Variants in JAK1 observed in about 807,000 individuals in gnomAD.
JAK1 encodes the protein Janus kinase 1.
JAK1 carries 16 observed loss-of-function variants against 136.6 expected under a neutral mutation model. The ratio of observed to expected loss-of-function variants is 0.12; its 90% CI spans 0.08 to 0.18. JAK1 has a LOEUF of 0.18. JAK1 is among the 10% of genes least tolerant of loss of function. The probability of loss-of-function intolerance (pLI) is 1.00; values close to 1 mark genes in which losing one functional copy is unlikely to be tolerated. For missense variants in JAK1, 859 were observed against 1,450.1 expected (o/e 0.59, Z 6.62); for synonymous variants, 492 against 519.5 (o/e 0.95, Z 0.72).
chr1:64,951,648 C>CTT (rs1557719374), intron 1 of JAK1, among the ~76,000 whole-genome samples: 2 of 128,152 alleles, frequency 1.6e-5, no homozygotes, highest in African/African-American at 6.0e-5. Flanking sequence ...ACAAGTTCTG[C>CTT]CTTTTTTTTT....
At chr1:64,922,497 T>TC (rs1190463907) in intron 1 of JAK1, among the ~76,000 whole-genome samples, 10 of 151,746 alleles carry the variant, frequency 6.6e-5, no homozygotes, top group Non-Finnish European at 1.2e-4. Flanking sequence ...CACATTTTTT[T>TC]TTAAAGCTGA....
Position 64,977,458 on chromosome 1 carries a change from T to TC in JAK1, c.-78+67021_-78+67022insG, listed in dbSNP as rs1485163016. Reference sequence around the variant, plus strand: ...TGAGCCACTGCACCCAGCCATCTTTTTTTTTTTTTTTAGATGGAGTCTTGC... The same window carrying TC: ...TGAGCCACTGCACCCAGCCATCTTTTCTTTTTTTTTTTAGATGGAGTCTTGC... On this transcript the variant is annotated intron_variant, in intron 2 of 25. Transcript: ENST00000671954. 2.0e-5 allele frequency among the ~76,000 whole-genome samples: 3 copies of TC among 151,658 alleles called. No homozygotes were observed. In the East Asian group the frequency reaches 5.8e-4, roughly 29 times the overall value.
chr1:64,847,471 G>A (rs1655310524), intron 13 of JAK1, 61 bp downstream of exon 13: 2 of 1,595,114 alleles, frequency 1.3e-6, no homozygotes, highest in African/African-American at 2.7e-5. Flanking sequence ...TCAACCCATT[G>A]TGTTCCACTG....
At chr1:64,887,443 G>C (rs1288572803) in intron 1 of JAK1, among the ~76,000 whole-genome samples, 2 of 152,176 alleles carry the variant, frequency 1.3e-5, no homozygotes, top group Non-Finnish European at 2.9e-5. Context: ...CTAATGCCTT[G>C]CTTCTGCTCA....
rs2101101943 is a variant in JAK1 at position 64,864,817 on chromosome 1, G to C, written c.1146C>G (p.Val382=). The C allele has an allele frequency of 6.2e-7, 1 of 1,613,446 alleles. No homozygotes were observed. The highest frequency in any genetic ancestry group is 8.5e-7 in the Non-Finnish European group (1 of 1,179,812). ...ITHIVIKESV[V]SINKQDNKKM... is the part of the protein sequence containing the mutation. ...TCTTGTTGTCCTGCTTGTTAATGCT[G>C]ACCACAGACTCCTTTATTACAATGT... The change falls in exon 8 of 25, where the codon GTC becomes GTG. Residue 382 remains valine, a synonymous_variant. Coordinates refer to ENST00000342505, the MANE Select transcript of JAK1 (RefSeq NM_002227.4).
At chr1:65,020,014 T>G (rs1442742440) in intron 2 of JAK1, among the ~76,000 whole-genome samples, 1 of 151,052 alleles carries the variant, frequency 6.6e-6, no homozygotes, top group Non-Finnish European at 1.5e-5. Context: ...TCATCTGAGG[T>G]CAGAAGTTCA....
At chr1:64,981,850 A>C (rs1646548829) in intron 2 of JAK1, among the ~76,000 whole-genome samples, 1 of 152,168 alleles carries the variant, frequency 6.6e-6, no homozygotes, top group African/African-American at 2.4e-5. Flanking sequence ...ACTGTCTCAC[A>C]CTCCAGGATA....
intron 1 of JAK1, among the ~76,000 whole-genome samples, chr1:64,935,007 AT>A (rs969345296): frequency 1.6e-4 from 24 of 152,098 alleles, no homozygotes; most frequent in African/African-American, 5.8e-4. Flanking sequence ...GGACCAATCT[AT>A]TTCTGGCTGT....
At chr1:64,960,565 T>G (rs992973412) in intron 1 of JAK1, among the ~76,000 whole-genome samples, 1 of 152,236 alleles carries the variant, frequency 6.6e-6, no homozygotes, top group Non-Finnish European at 1.5e-5. Context: ...ATTACTATCT[T>G]CTATGCAGAC....
chr1:64,965,423 C>T (rs567693434), intron 1 of JAK1, among the ~76,000 whole-genome samples: 10 of 152,158 alleles, frequency 6.6e-5, no homozygotes, highest in African/African-American at 2.4e-4. Flanking sequence ...CTCCAAAAAA[C>T]GTGTGCACAA....
intron 2 of JAK1, among the ~76,000 whole-genome samples, chr1:65,040,810 C>T (rs1469322064): frequency 6.6e-6 from 1 of 152,086 alleles, no homozygotes; most frequent in Non-Finnish European, 1.5e-5. Flanking sequence ...CGAAAAAAAA[C>T]ATAGTCCTGC....
chr1:64,844,697 T>C lies in JAK1; in HGVS notation c.2251+57A>G. On this transcript the variant is annotated intron_variant, in intron 16 of 24. Transcript: ENST00000342505. The surrounding 1 kb of genome is among the most constrained non-coding windows in gnomAD (Gnocchi z 5.7). The stretch of plus-strand genomic sequence containing the variant: ...GACCAACCCCAGCCCAGCCCTTCTC[T>C]CTGCTGACTTGCCCCTGACTCGGGG... The C allele has an allele frequency of 2.5e-6, 4 of 1,608,070 alleles. No homozygotes were observed. The highest frequency in any genetic ancestry group is 2.6e-6 in the Non-Finnish European group (3 of 1,175,664).
chr1:65,065,273 G>A (rs1444727771), intron 1 of JAK1, among the ~76,000 whole-genome samples: 1 of 152,146 alleles, frequency 6.6e-6, no homozygotes, highest in Non-Finnish European at 1.5e-5. Flanking sequence ...AACTCAGAGT[G>A]TTACTTTTGA....
At chr1:64,868,590 T>C (rs985984904) in intron 6 of JAK1, among the ~76,000 whole-genome samples, 4 of 152,186 alleles carry the variant, frequency 2.6e-5, no homozygotes, top group African/African-American at 9.7e-5. Context: ...CAAGCTGTGA[T>C]CTGCTCTAGA....
chr1:64,917,602 G>A (rs570509992), intron 1 of JAK1, among the ~76,000 whole-genome samples: 2 of 152,276 alleles, frequency 1.3e-5, no homozygotes, highest in South Asian at 2.1e-4. Context: ...ATGCCTGGGT[G>A]AGCCTGGACC....
intron 1 of JAK1, among the ~76,000 whole-genome samples, chr1:65,060,517 A>C (rs1287457607): frequency 6.6e-6 from 1 of 152,152 alleles, no homozygotes. Flanking sequence ...ACTAGCCATC[A>C]CCAAAACCCA....
rs79286207 is a variant in JAK1 at position 64,955,145 on chromosome 1, G to C, written c.-78+11188C>G. Among the ~76,000 whole-genome samples, 434 of 152,346 alleles carry C rather than the reference G, an allele frequency of 2.8e-3. 3 individuals are homozygous for C. The highest frequency in any genetic ancestry group is 0.01 in the African/African-American group (419 of 41,572). ...ATTTGAGCAAGTGTACACAGGATCT[G>C]TGTTTATTCAATAAACAGCCGTGTG... On this transcript the variant is annotated intron_variant, in intron 1 of 24. Coordinates refer to ENST00000342505, the MANE Select transcript of JAK1 (RefSeq NM_002227.4).
intron 1 of JAK1, among the ~76,000 whole-genome samples, chr1:64,916,536 G>T (rs972351189): frequency 1.3e-5 from 2 of 152,134 alleles, no homozygotes; most frequent in Admixed American, 6.6e-5. Context: ...AAAAAGGTTG[G>T]AAGATAATGT....
At chr1:64,880,708 A>G (rs1644757641) in intron 3 of JAK1, among the ~76,000 whole-genome samples, 1 of 152,194 alleles carries the variant, frequency 6.6e-6, no homozygotes, top group Non-Finnish European at 1.5e-5. Context: ...GCTCAGGCCT[A>G]TAATATTCTC....
Sources: allele counts gnomAD v4.1 joint callset (sites outside exome capture counted in the v4.1 genomes callset), GRCh38; gene constraint gnomAD v4.1.1; non-coding constraint Gnocchi (gnomAD v3.1); transcripts MANE v1.5; gene names NCBI Gene and HGNC (gene_info 2026-07-23, HGNC 2026-07-21).